The following PCDHGA5 variants were observed in gnomAD, a reference collection of about 807,000 sequenced individuals.
PCDHGA5 encodes the protein protocadherin gamma subfamily A, 5.
Under a neutral mutation model 56.7 loss-of-function variants are expected in PCDHGA5, and 36 were observed. The observed-to-expected ratio is 0.64, with a 90% CI of 0.49 to 0.84. The LOEUF is 0.84. Among genes scored for constraint, PCDHGA5 ranks in the 40% least tolerant of loss-of-function variants. The pLI is 0.00. For synonymous variants in PCDHGA5, 563 were observed against 520.2 expected, an observed-to-expected ratio of 1.08 and a Z score of -1.12; for missense variants, 1,305 against 1,201.5, an observed-to-expected ratio of 1.09 and a Z score of -1.27.
intron 1 of PCDHGA5, among the ~76,000 whole-genome samples, chr5:141,481,593 G>A (rs575017133): frequency 1.3e-5 from 2 of 152,172 alleles, no homozygotes; most frequent in African/African-American, 2.4e-5. Context: ...TGAGGCCAGC[G>A]GATCACCTGA....
At chr5:141,390,039 C>A (rs2092026934) in intron 1 of PCDHGA5, 2 of 1,614,048 alleles carry the variant, frequency 1.2e-6, no homozygotes, top group Non-Finnish European at 1.7e-6. Flanking sequence ...CTCCTCCAGC[C>A]CCGCCTCCTG....
intron 1 of PCDHGA5, chr5:141,374,587 G>A: frequency 1.2e-6 from 2 of 1,613,722 alleles, no homozygotes; most frequent in Non-Finnish European, 1.7e-6. Context: ...ACTCCCTTCA[G>A]GGATTTAAGC....
At position 141,484,779 on chromosome 5, in the gene PCDHGA5, C is replaced by G. The variant is rs186158562; in HGVS notation, c.2422-10028C>G. On this transcript the variant is annotated intron_variant, in intron 1 of 3. Transcript: ENST00000518069. ...ATATATATATATGTTGTCTGCCTCCCCACAGAGATAACAACCCGTGGAAAA... is the reference window on the plus strand; with the variant it reads ...ATATATATATATGTTGTCTGCCTCCGCACAGAGATAACAACCCGTGGAAAA... Among the ~76,000 whole-genome samples, 137 of 152,130 alleles carry G rather than the reference C, an allele frequency of 9.0e-4. 1 individual carries two copies. Among genetic ancestry groups the G allele is most frequent in the Non-Finnish European group, 1.6e-3 (110 of 67,996 alleles).
intron 1 of PCDHGA5, chr5:141,409,675 AG>A (rs2095301185): frequency 1.9e-6 from 3 of 1,613,304 alleles, no homozygotes; most frequent in African/African-American, 2.7e-5. Flanking sequence ...CCTACTCTAT[AG>A]TGGCGAGTGA....
chr5:141,393,447 C>G, intron 1 of PCDHGA5: 1 of 1,614,052 alleles, frequency 6.2e-7, no homozygotes. Flanking sequence ...CCACCTGGTC[C>G]TCACGGCCTC....
intron 1 of PCDHGA5, chr5:141,420,388 A>G (rs986892784): frequency 3.1e-6 from 4 of 1,282,144 alleles, no homozygotes; most frequent in Non-Finnish European, 4.1e-6. Context: ...TTCGCAAAAT[A>G]TAGGTCAAAT....
rs1329659479 is a variant in PCDHGA5 at position 141,365,268 on chromosome 5, G to A, written c.938G>A (p.Arg313Lys). The stretch of plus-strand genomic sequence containing the variant: ...CAATCACTGGACTATGAAGAATCCA[G>A]ATTCTACCTCATGGAAGTGGTAGCT... ...TLQSLDYEESRFYLMEVVAQD... is the reference protein window; with the variant it reads ...TLQSLDYEESKFYLMEVVAQD... The change falls in exon 1 of 4, where the codon AGA becomes AAA. Residue 313 changes from arginine to lysine, a missense_variant. Physicochemically the swap from Arg to Lys is conservative, Grantham distance 26 (BLOSUM62 2). Transcript: ENST00000518069. The A allele has an allele frequency of 1.2e-6, 2 of 1,613,874 alleles. No individual in the cohort carries two copies. The highest frequency in any genetic ancestry group is 1.7e-6 in the Non-Finnish European group (2 of 1,179,908).
At position 141,431,493 on chromosome 5, in the gene PCDHGA5, C is replaced by G. The variant is rs1281626711; in HGVS notation, c.2422-63314C>G. On this transcript the variant is annotated intron_variant, in intron 1 of 3. Transcript: ENST00000518069. The surrounding 1 kb of genome is among the most constrained non-coding windows in gnomAD (Gnocchi z 4.8). ...GACAACGCACCAGCGTTTGCTCAGC[C>G]CGAGTACCGCGCGAGCGTTCCGGAG... 1 of 1,613,994 alleles carries G rather than the reference C, an allele frequency of 6.2e-7. No individual in the cohort carries two copies. The highest frequency in any genetic ancestry group is 8.5e-7 in the Non-Finnish European group (1 of 1,180,042).
chr5:141,449,688 T>G (rs951233495), intron 1 of PCDHGA5, among the ~76,000 whole-genome samples: 2 of 151,772 alleles, frequency 1.3e-5, no homozygotes, highest in African/African-American at 4.8e-5. Context: ...TATGTTTGTG[T>G]GTATGTACAC....
In PCDHGA5 at chr5:141,431,620, G is replaced by T; in HGVS notation, c.2422-63187G>T. 6.2e-7 allele frequency: 1 copy of T among 1,614,232 alleles called. No individual in the cohort carries two copies. The highest frequency in any genetic ancestry group is 8.5e-7 in the Non-Finnish European group (1 of 1,180,050). Reference sequence around the variant, plus strand: ...ATTCCTTCCGGTATGTGGACGACAAGGCGGCCCAAGTTTTCAAACTAGATT... The same window carrying T: ...ATTCCTTCCGGTATGTGGACGACAATGCGGCCCAAGTTTTCAAACTAGATT... On this transcript the variant is annotated intron_variant, in intron 1 of 3. Transcript: ENST00000518069. The surrounding 1 kb of genome is among the most constrained non-coding windows in gnomAD (Gnocchi z 4.8).
At chr5:141,390,385 C>A in intron 1 of PCDHGA5, 1 of 1,430,582 alleles carries the variant, frequency 7.0e-7, no homozygotes, top group Non-Finnish European at 9.5e-7. Context: ...TTTTAGATGT[C>A]ATGGATCATT....
chr5:141,383,253 T>C (rs563605516), intron 1 of PCDHGA5: 4 of 1,613,928 alleles, frequency 2.5e-6, no homozygotes, highest in Middle Eastern at 1.6e-4. Context: ...ATCTTTACCC[T>C]ATAGACGTGG....
chr5:141,409,867 C>A (rs376725837), intron 1 of PCDHGA5: 201 of 1,612,544 alleles, frequency 1.2e-4, no homozygotes, highest in Middle Eastern at 8.2e-4. Context: ...TGGGAGACCG[C>A]AATGACAACG....
chr5:141,501,544 G>T (rs1297191346), intron 2 of PCDHGA5, among the ~76,000 whole-genome samples: 3 of 151,962 alleles, frequency 2.0e-5, no homozygotes, highest in African/African-American at 7.3e-5. Flanking sequence ...TTGTGCATAA[G>T]ATCATAGGCC....
chr5:141,416,745 C>T (rs186830862), intron 1 of PCDHGA5: 5 of 152,194 alleles, frequency 3.3e-5, no homozygotes, highest in South Asian at 2.1e-4. Flanking sequence ...AAAATAGTGA[C>T]GTATTAGGTA....
At chr5:141,426,033 C>G (rs978171140) in intron 1 of PCDHGA5, among the ~76,000 whole-genome samples, 14 of 152,162 alleles carry the variant, frequency 9.2e-5, no homozygotes, top group African/African-American at 3.1e-4. Context: ...AGACTCAGAG[C>G]CCTGCTGTTG....
intron 1 of PCDHGA5, among the ~76,000 whole-genome samples, chr5:141,386,998 C>G (rs140459920): frequency 6.6e-6 from 1 of 152,058 alleles, no homozygotes; most frequent in African/African-American, 2.4e-5. Flanking sequence ...TGTATTATCC[C>G]CCTGATAACT....
At chr5:141,441,779 C>T in intron 1 of PCDHGA5, 2 of 390,030 alleles carry the variant, frequency 5.1e-6, no homozygotes, top group South Asian at 2.0e-5. Context: ...TGGTGGACGA[C>T]CTGAATGACA....
rs761731200 is a variant in PCDHGA5, at chr5:141,477,252, T to C, written c.2422-17555T>C. The C allele has an allele frequency of 1.2e-6, 2 of 1,614,182 alleles. No homozygotes were observed. The highest frequency in any genetic ancestry group is 8.5e-7 in the Non-Finnish European group (1 of 1,180,034). ...ATCGCTTTGCTCAGTGTGACTGACCTGGATGCTGGCGAGAACGGGCTGGTG... is the reference window on the plus strand; with the variant it reads ...ATCGCTTTGCTCAGTGTGACTGACCCGGATGCTGGCGAGAACGGGCTGGTG... On this transcript the variant is annotated intron_variant, in intron 1 of 3. Transcript: ENST00000518069. The surrounding 1 kb of genome is among the most constrained non-coding windows in gnomAD (Gnocchi z 4.9).
Sources: gnomAD v4.1 joint callset for allele counts (sites outside exome capture counted in the v4.1 genomes callset) on GRCh38, gnomAD v4.1.1 for gene constraint, Gnocchi (gnomAD v3.1) non-coding constraint, MANE v1.5 for transcripts, NCBI Gene and HGNC (gene_info 2026-07-23, HGNC 2026-07-21) for gene names.